The following PDX1 variants were observed in gnomAD, a reference collection of about 807,000 sequenced individuals.
PDX1 encodes pancreas/duodenum homeobox protein 1.
PDX1 carries 7 observed loss-of-function variants against 11.1 expected under a neutral mutation model. The ratio of observed to expected loss-of-function variants is 0.63; its 90% CI spans 0.36 to 1.19. PDX1 has a LOEUF of 1.19. PDX1 is among the 50% of genes most tolerant of loss of function. The probability of loss-of-function intolerance (pLI) is 0.02; values close to 1 mark genes in which losing one functional copy is unlikely to be tolerated. For synonymous variants in PDX1, 232 were observed against 196.2 expected, an observed-to-expected ratio of 1.18 and a Z score of -1.53; for missense variants, 449 against 412.1, an observed-to-expected ratio of 1.09 and a Z score of -0.78.
intron 1 of PDX1, among the ~76,000 whole-genome samples, chr13:27,923,502 T>C (rs1221630514): frequency 6.6e-6 from 1 of 152,224 alleles, no homozygotes; most frequent in Non-Finnish European, 1.5e-5. Flanking sequence ...GTTAAAACAA[T>C]TATGGAGAAT....
intron 1 of PDX1, 100 bp downstream of exon 1, chr13:27,920,644 G>A: frequency 3.1e-6 from 4 of 1,280,736 alleles, no homozygotes; most frequent in Middle Eastern, 1.9e-4. Flanking sequence ...CGGCGCCTTG[G>A]ATTATCCCGG....
At position 27,924,945 on chromosome 13, in the gene PDX1, G is replaced by A. The variant is rs1361443596; in HGVS notation, c.*244G>A. The A allele has an allele frequency of 1.6e-5, 7 of 428,644 alleles. No homozygotes were observed. The highest frequency in any genetic ancestry group is 2.8e-5 in the Non-Finnish European group (7 of 247,184). 26.6% of individuals were successfully genotyped at this position (428,644 alleles called of 1,614,324 possible). A position where few individuals can be genotyped will look rare whatever the true frequency, so the allele number is the denominator to read the frequency against. On this transcript the variant is annotated 3_prime_UTR_variant, in exon 2 of 2. Coordinates refer to ENST00000381033, the MANE Select transcript of PDX1 (RefSeq NM_000209.4). The surrounding 1 kb of genome is among the most constrained non-coding windows in gnomAD (Gnocchi z 4.8). ...AGCCATTGGTTTTTGTAGTATTGGG[G>A]CCCTCTTTTAGTGATACTGGATTGG...
At chr13:27,922,242 C>T (rs1957792177) in intron 1 of PDX1, among the ~76,000 whole-genome samples, 1 of 152,230 alleles carries the variant, frequency 6.6e-6, no homozygotes, top group Non-Finnish European at 1.5e-5. Flanking sequence ...GCAGCCTTGG[C>T]GAGGGTTCGG....
chr13:27,922,209 A>G (rs1412686724), intron 1 of PDX1, among the ~76,000 whole-genome samples: 1 of 152,224 alleles, frequency 6.6e-6, no homozygotes, highest in African/African-American at 2.4e-5. Context: ...AGAAGCCAGA[A>G]AGTAAAACCA....
At chr13:27,922,756 C>T (rs1405108461) in intron 1 of PDX1, among the ~76,000 whole-genome samples, 2 of 152,162 alleles carry the variant, frequency 1.3e-5, no homozygotes, top group Non-Finnish European at 2.9e-5. Flanking sequence ...CTTCACGAAG[C>T]CCTCTCGCAG....
In PDX1 at chr13:27,920,087, G is replaced by C. The variant is rs1488837399; in HGVS notation, c.-52G>C. The C allele has an allele frequency of 1.3e-6, 2 of 1,546,918 alleles. No homozygotes were observed. Among genetic ancestry groups the C allele is most frequent in the African/African-American group, 2.7e-5 (2 of 72,968 alleles). On this transcript the variant is annotated 5_prime_UTR_variant, in exon 1 of 2. Coordinates refer to ENST00000381033, the MANE Select transcript of PDX1 (RefSeq NM_000209.4). Reference sequence around the variant, plus strand: ...TGCCAAATCCCCGGCTCCAGCTCCCGACTCCCGGCTCCCGGCTCCCGGCTC... The same window carrying C: ...TGCCAAATCCCCGGCTCCAGCTCCCCACTCCCGGCTCCCGGCTCCCGGCTC...
chr13:27,921,945 C>T (rs1276234221), intron 1 of PDX1, among the ~76,000 whole-genome samples: 1 of 152,198 alleles, frequency 6.6e-6, no homozygotes, highest in Non-Finnish European at 1.5e-5. Context: ...TCTTAGGAGG[C>T]GGGAGGACAG....
chr13:27,922,628 C>A (rs1026724328), intron 1 of PDX1, among the ~76,000 whole-genome samples: 2 of 152,206 alleles, frequency 1.3e-5, no homozygotes, highest in Admixed American at 6.5e-5. Flanking sequence ...CCAGGCTTGG[C>A]GACCTTGACC....
Position 27,924,596 on chromosome 13 carries a change from G to T in PDX1, c.747G>T (p.Pro249=). 1.4e-6 allele frequency: 2 copies of T among 1,460,228 alleles called. No homozygotes were observed. Among genetic ancestry groups the T allele is most frequent in the Non-Finnish European group, 9.0e-7 (1 of 1,111,948 alleles). 90.5% of individuals were successfully genotyped at this position (1,460,228 alleles called of 1,614,324 possible). A position where few individuals can be genotyped will look rare whatever the true frequency, so the allele number is the denominator to read the frequency against. ...PPPPPPGGAV[P]PAAPVAAREG... is the part of the protein sequence containing the mutation. Reference sequence around the variant, plus strand: ...CGCCGCCCCCCGGAGGTGCTGTGCCGCCCGCTGCCCCCGTTGCCGCCCGAG... The same window carrying T: ...CGCCGCCCCCCGGAGGTGCTGTGCCTCCCGCTGCCCCCGTTGCCGCCCGAG... The change falls in exon 2 of 2, where the codon CCG becomes CCT. Residue 249 remains proline (P), a synonymous_variant. Coordinates refer to ENST00000381033, the MANE Select transcript of PDX1 (RefSeq NM_000209.4). This position sits in a 1 kb window ranked among gnomAD's most constrained non-coding sequence, Gnocchi z 4.8.
chr13:27,924,080 G>C lies in PDX1; in HGVS notation c.407-176G>C, dbSNP rs1188886971. Among the ~76,000 whole-genome samples the C allele has an allele frequency of 6.6e-6, 1 of 152,228 alleles. No homozygotes were observed. The highest frequency in any genetic ancestry group is 1.5e-5 in the Non-Finnish European group (1 of 68,046). On this transcript the variant is annotated intron_variant, in intron 1 of 1. Coordinates refer to ENST00000381033, the MANE Select transcript of PDX1 (RefSeq NM_000209.4). The surrounding 1 kb of genome is among the most constrained non-coding windows in gnomAD (Gnocchi z 4.8). ...TATTAGGAAGGGCTTGAGTTACTAG[G>C]GAAGAGCTTCGCGCGCCTACACTAG...
intron 1 of PDX1, among the ~76,000 whole-genome samples, chr13:27,922,432 C>T (rs910823695): frequency 2.0e-5 from 3 of 152,146 alleles, no homozygotes; most frequent in Non-Finnish European, 4.4e-5. Flanking sequence ...TCGATGGAGC[C>T]GAAATTCAAA....
At position 27,924,655 on chromosome 13, in the gene PDX1, C is replaced by A; in HGVS notation, c.806C>A (p.Pro269Gln). Reference protein sequence around the residue: ...GRLPPGLSASPQPSSVAPRRP... With the variant: ...GRLPPGLSASQQPSSVAPRRP... ...CTGCCGCCTGGCCTTAGCGCGTCGCCACAGCCCTCCAGCGTCGCGCCTCGG... is the reference window on the plus strand; with the variant it reads ...CTGCCGCCTGGCCTTAGCGCGTCGCAACAGCCCTCCAGCGTCGCGCCTCGG... The change falls in exon 2 of 2, where the codon CCA (proline) becomes CAA (glutamine). Residue 269 changes from proline to glutamine, a missense_variant. Physicochemically the swap from Pro to Gln is moderately conservative, Grantham distance 76. Transcript: ENST00000381033. The surrounding 1 kb of genome is among the most constrained non-coding windows in gnomAD (Gnocchi z 4.8). 6.8e-7 allele frequency: 1 copy of A among 1,478,072 alleles called. No homozygotes were observed. The highest frequency in any genetic ancestry group is 2.3e-5 in the Admixed American group (1 of 43,184). 91.6% of individuals were successfully genotyped at this position (1,478,072 alleles called of 1,614,324 possible).
intron 1 of PDX1, among the ~76,000 whole-genome samples, chr13:27,923,960 T>C (rs540962484): frequency 3.0e-4 from 45 of 152,362 alleles, no homozygotes; most frequent in African/African-American, 1.0e-3. Flanking sequence ...ACACCGATTA[T>C]ATGAGCGCAT....
chr13:27,921,991 C>G lies in PDX1; in HGVS notation c.406+1447C>G, dbSNP rs550591512. ...AAAGGTGGGGGGCTCCTCGTCCTCA[C>G]CCAGTTTTCTTCCAGGGCTGCCTCC... On this transcript the variant is annotated intron_variant, in intron 1 of 1. Coordinates refer to ENST00000381033, the MANE Select transcript of PDX1 (RefSeq NM_000209.4). 2.0e-5 allele frequency among the ~76,000 whole-genome samples: 3 copies of G among 152,324 alleles called. No individual in the cohort carries two copies. The South Asian group carries it at 6.2e-4, about 32-fold the overall frequency.
At position 27,925,333 on chromosome 13, in the gene PDX1, C is replaced by A. The variant is rs1322460551; in HGVS notation, c.*632C>A. 6.5e-6 allele frequency: 1 copy of A among 153,820 alleles called. No individual in the cohort carries two copies. Among genetic ancestry groups the A allele is most frequent in the Non-Finnish European group, 1.4e-5 (1 of 73,332 alleles). 9.5% of individuals were successfully genotyped at this position (153,820 alleles called of 1,614,324 possible). ...CTTCCTCTTCCTCCTGCTCTCCTTTCCTCCCCCTCCTCTTTTCCCTCCTCT... is the reference window on the plus strand; with the variant it reads ...CTTCCTCTTCCTCCTGCTCTCCTTTACTCCCCCTCCTCTTTTCCCTCCTCT... On this transcript the variant is annotated 3_prime_UTR_variant, in exon 2 of 2. Transcript: ENST00000381033.
In PDX1 at chr13:27,924,177, C is replaced by G; in HGVS notation, c.407-79C>G. 6 of 1,288,562 alleles carry G rather than the reference C, an allele frequency of 4.7e-6. No homozygotes were observed. Among genetic ancestry groups the G allele is most frequent in the Non-Finnish European group, 5.2e-6 (5 of 954,982 alleles). The allele number at this position is 1,288,562 out of a possible 1,614,324, so 79.8% of individuals were successfully genotyped here. The stretch of plus-strand genomic sequence containing the variant: ...TGGTAGGGCTAGGGCTCCCTGGCCC[C>G]CCTTGAAGGGGTTGGGCTGCGTGGG... On this transcript the variant is annotated intron_variant, in intron 1 of 1. Transcript: ENST00000381033. This position sits in a 1 kb window ranked among gnomAD's most constrained non-coding sequence, Gnocchi z 4.8.
Position 27,920,259 on chromosome 13 carries a change from C to T in PDX1, c.121C>T (p.Gln41Ter). 6.5e-7 allele frequency: 1 copy of T among 1,542,694 alleles called. No individual in the cohort carries two copies. Among genetic ancestry groups the T allele is most frequent in the Non-Finnish European group, 8.7e-7 (1 of 1,143,804 alleles). The change falls in exon 1 of 2, where the codon CAG (glutamine) becomes TAG (stop). Residue 41 changes from glutamine (Q) to a stop codon, truncating the protein, a stop_gained. Coordinates refer to ENST00000381033, the MANE Select transcript of PDX1 (RefSeq NM_000209.4). LOFTEE classifies it high-confidence loss of function. ...CCCTGCGTGCCTGTACATGGGCCGC[C>T]AGCCCCCGCCGCCGCCGCCGCACCC... Reference protein sequence around the residue: ...SPPACLYMGRQPPPPPPHPFP... With the variant: ...SPPACLYMGR
At position 27,920,532 on chromosome 13, in the gene PDX1, G is replaced by A. The variant is rs752168064; in HGVS notation, c.394G>A (p.Gly132Ser). Residue 132 changes from glycine to serine, a missense_variant, in exon 1 of 2, where the codon GGC (glycine) becomes AGC (serine). Coordinates refer to ENST00000381033, the MANE Select transcript of PDX1 (RefSeq NM_000209.4). ...MKSTKAHAWK[G>S]QWAGGAYAAE... ...GTCTACCAAAGCTCACGCGTGGAAAGGCCAGTGGGCAGGTAAGCCTGGCTC... is the reference window on the plus strand; with the variant it reads ...GTCTACCAAAGCTCACGCGTGGAAAAGCCAGTGGGCAGGTAAGCCTGGCTC... 2.2e-5 allele frequency: 36 copies of A among 1,613,070 alleles called. No individual in the cohort carries two copies. The highest frequency in any genetic ancestry group is 2.9e-5 in the Non-Finnish European group (34 of 1,180,014).
chr13:27,920,645 A>T, intron 1 of PDX1, 101 bp downstream of exon 1: 1 of 1,281,058 alleles, frequency 7.8e-7, no homozygotes, highest in Non-Finnish European at 1.1e-6. Flanking sequence ...GGCGCCTTGG[A>T]TTATCCCGGG....
Sources: allele counts gnomAD v4.1 joint callset (sites outside exome capture counted in the v4.1 genomes callset), GRCh38; gene constraint gnomAD v4.1.1; non-coding constraint Gnocchi (gnomAD v3.1); transcripts MANE v1.5; gene names NCBI Gene and HGNC (gene_info 2026-07-23, HGNC 2026-07-21).